Variants in PRKCI observed in about 807,000 individuals in gnomAD.
PRKCI encodes protein kinase C iota.
In PRKCI, 43 loss-of-function variants were observed where a neutral mutation model predicts 84.0. That is an observed-to-expected ratio of 0.51 (90% confidence interval 0.40 to 0.66). PRKCI has a LOEUF of 0.66. Ranked by LOEUF, PRKCI falls within the 30% of genes least tolerant of loss-of-function variation. PRKCI has a pLI of 0.00. For synonymous variants in PRKCI, 216 were observed against 234.4 expected (o/e 0.92, Z 0.72); for missense variants, 459 against 745.6 (o/e 0.62, Z 4.48).
At chr3:170,222,873 G>A in intron 1 of PRKCI, 103 bp downstream of exon 1, 1 of 681,374 alleles carries the variant, frequency 1.5e-6, no homozygotes, top group Non-Finnish European at 2.3e-6. Context: ...GGGCGGATTG[G>A]GCTGGGCGGG....
intron 14 of PRKCI, 38 bp from the exon 15 acceptor site, chr3:170,295,873 A>G: frequency 7.9e-7 from 1 of 1,262,382 alleles, no homozygotes; most frequent in Non-Finnish European, 1.1e-6. Context: ...AAAGCCATGT[A>G]AAAGTTAAAT....
chr3:170,242,214 G>C (rs1260685188), intron 2 of PRKCI, among the ~76,000 whole-genome samples: 1 of 152,170 alleles, frequency 6.6e-6, no homozygotes, highest in Non-Finnish European at 1.5e-5. Flanking sequence ...CTCTTTGGCT[G>C]AATGTGTAGC....
At chr3:170,291,636 G>A (rs995464308) in intron 12 of PRKCI, 2 of 428,234 alleles carry the variant, frequency 4.7e-6, no homozygotes, top group Non-Finnish European at 8.8e-6. Flanking sequence ...GGTGGAGGTT[G>A]TAGTGAGCTG....
At chr3:170,285,731 TATTA>T (rs900307040) in intron 12 of PRKCI, among the ~76,000 whole-genome samples, 50 of 151,812 alleles carry the variant, frequency 3.3e-4, no homozygotes, top group African/African-American at 1.2e-3. Flanking sequence ...ACATGATACT[TATTA>T]ATTAATTATT....
intron 2 of PRKCI, among the ~76,000 whole-genome samples, chr3:170,257,222 A>AACC (rs1733605308): frequency 6.6e-6 from 1 of 152,242 alleles, no homozygotes; most frequent in Non-Finnish European, 1.5e-5. Context: ...ACAGGTGGTG[A>AACC]ACCTAGAGAA....
chr3:170,251,823 T>C (rs1032926651), intron 2 of PRKCI, among the ~76,000 whole-genome samples: 3 of 151,834 alleles, frequency 2.0e-5, no homozygotes, highest in African/African-American at 4.8e-5. Context: ...GGCAGAAGAA[T>C]TGCTTGAACC....
chr3:170,301,478 T>G (rs937228481), intron 17 of PRKCI, among the ~76,000 whole-genome samples: 3 of 152,134 alleles, frequency 2.0e-5, no homozygotes, highest in Non-Finnish European at 4.4e-5. Flanking sequence ...GTAATGACCC[T>G]TTATGATCTC....
In PRKCI at chr3:170,224,869, A is replaced by G. The variant is rs182393352; in HGVS notation, c.101+2099A>G. ...TTATTAATTGAGATCATCTTCTCCA[A>G]TGAGTCTATGAAAGGTAAGAAATTA... On this transcript the variant is annotated intron_variant, in intron 1 of 17. Transcript: ENST00000295797. Among the ~76,000 whole-genome samples, 23 of 152,356 alleles carry G rather than the reference A, an allele frequency of 1.5e-4. No individual in the cohort carries two copies. The East Asian group carries it at 4.2e-3, about 28-fold the overall frequency.
intron 1 of PRKCI, among the ~76,000 whole-genome samples, chr3:170,227,156 C>T (rs1732648514): frequency 6.6e-6 from 1 of 152,178 alleles, no homozygotes; most frequent in African/African-American, 2.4e-5. Flanking sequence ...AACTGCAGCC[C>T]TCCTTTTACA....
At chr3:170,273,682 G>C (rs1194350742) in intron 7 of PRKCI, among the ~76,000 whole-genome samples, 1 of 151,782 alleles carries the variant, frequency 6.6e-6, no homozygotes, top group Non-Finnish European at 1.5e-5. Flanking sequence ...GGGTGTGGTG[G>C]CACACTCCTG....
In PRKCI at chr3:170,235,897, CTCA is replaced by C. The variant is rs1191472489; in HGVS notation, c.223+550_223+552del. ...ACTTTTTTAAGCATAAGGTAAGCAT[CTCA>C]TCAAATAGTGTGATGTTTTACTTTA... On this transcript the variant is annotated intron_variant, in intron 2 of 17. Coordinates refer to ENST00000295797, the MANE Select transcript of PRKCI (RefSeq NM_002740.6). Among the ~76,000 whole-genome samples the C allele has an allele frequency of 7.2e-4, 109 of 151,988 alleles. 1 individual carries two copies. Among genetic ancestry groups the C allele is most frequent in the Admixed American group, 7.2e-3 (109 of 15,242 alleles).
chr3:170,252,257 A>G (rs1191166508), intron 2 of PRKCI, among the ~76,000 whole-genome samples: 2 of 151,574 alleles, frequency 1.3e-5, no homozygotes, highest in African/African-American at 4.8e-5. Flanking sequence ...TGTTGGTTGA[A>G]TGAATGTATG....
intron 12 of PRKCI, chr3:170,291,640 T>C (rs1239043912): frequency 2.3e-6 from 1 of 436,018 alleles, no homozygotes; most frequent in East Asian, 4.2e-5. Flanking sequence ...GAGGTTGTAG[T>C]GAGCTGAGAT....
intron 7 of PRKCI, among the ~76,000 whole-genome samples, chr3:170,273,882 A>G (rs1428995157): frequency 1.3e-5 from 2 of 151,692 alleles, no homozygotes; most frequent in Non-Finnish European, 2.9e-5. Flanking sequence ...CTGTAATCTC[A>G]TCACTTTGGG....
At chr3:170,289,915 G>T (rs918382541) in intron 12 of PRKCI, among the ~76,000 whole-genome samples, 1 of 148,852 alleles carries the variant, frequency 6.7e-6, no homozygotes, top group Non-Finnish European at 1.5e-5. Flanking sequence ...CATCTTAAAA[G>T]AAGAAAAAAA....
chr3:170,253,044 A>T (rs111740101), intron 2 of PRKCI, among the ~76,000 whole-genome samples: 2,589 of 152,298 alleles, frequency 0.017, 84 homozygotes, highest in African/African-American at 0.059. Flanking sequence ...GTTGCAAGTG[A>T]CAGGATCTCA....
chr3:170,236,290 G>A (rs1332034874), intron 2 of PRKCI, among the ~76,000 whole-genome samples: 2 of 142,734 alleles, frequency 1.4e-5, no homozygotes, highest in Non-Finnish European at 3.1e-5. Flanking sequence ...TAGTAGAGAC[G>A]GGGTTTTGCC....
chr3:170,235,527 T>C (rs1732947235), intron 2 of PRKCI, among the ~76,000 whole-genome samples, 176 bp downstream of exon 2: 4 of 152,190 alleles, frequency 2.6e-5, no homozygotes, highest in South Asian at 2.1e-4. Flanking sequence ...AATCTTTTTT[T>C]TGCCCCTTTT....
At chr3:170,301,021 T>A (rs1403589630) in intron 17 of PRKCI, among the ~76,000 whole-genome samples, 2 of 152,196 alleles carry the variant, frequency 1.3e-5, no homozygotes, top group Non-Finnish European at 2.9e-5. Context: ...CCCTGTAGCA[T>A]AGATACCAGC....
Sources: gnomAD v4.1 joint callset for allele counts (sites outside exome capture counted in the v4.1 genomes callset) on GRCh38, gnomAD v4.1.1 for gene constraint, MANE v1.5 for transcripts, NCBI Gene and HGNC (gene_info 2026-07-23, HGNC 2026-07-21) for gene names.